TTLL4: variants seen among roughly 807,000 people sequenced by gnomAD.
TTLL4 encodes the protein tubulin monoglutamylase TTLL4.
In TTLL4, 85 loss-of-function variants were observed where a neutral mutation model predicts 122.7. The ratio of observed to expected loss-of-function variants is 0.69; its 90% CI spans 0.58 to 0.83. TTLL4 has a LOEUF of 0.83. TTLL4 is among the 40% of genes least tolerant of loss of function. TTLL4 has a pLI of 0.00. For synonymous variants in TTLL4, 553 were observed against 563.0 expected, an observed-to-expected ratio of 0.98 and a Z score of 0.25; for missense variants, 1,363 against 1,488.6, an observed-to-expected ratio of 0.92 and a Z score of 1.39.
intron 1 of TTLL4, among the ~76,000 whole-genome samples, chr2:218,714,983 C>T (rs1354815700): frequency 2.6e-5 from 4 of 152,058 alleles, no homozygotes; most frequent in South Asian, 2.1e-4. Context: ...AACATTTTTA[C>T]GTATGTTACA....
Position 218,745,787 on chromosome 2 carries a change from T to A in TTLL4, c.1883T>A (p.Phe628Tyr). The stretch of plus-strand genomic sequence containing the variant: ...AAGCAGACCATTGGACGGTCCCACT[T>A]CAAAATCAGCAAAAGTGAGTTGCTT... ...IVKQTIGRSH[F>Y]KISKRNDDWL... Residue 628 changes from phenylalanine (F) to tyrosine (Y), a missense_variant, in exon 7 of 20, where the codon TTC becomes TAC. Physicochemically the swap from Phe to Tyr is conservative, Grantham distance 22. Around this residue, in one of 3 missense-constraint regions of TTLL4, gnomAD observed 760 missense variants for 808.4 expected, o/e 0.94. Coordinates refer to ENST00000392102, the MANE Select transcript of TTLL4 (RefSeq NM_014640.5). 6.2e-7 allele frequency: 1 copy of A among 1,613,250 alleles called. No homozygotes were observed. The highest frequency in any genetic ancestry group is 8.5e-7 in the Non-Finnish European group (1 of 1,179,654).
In TTLL4 at chr2:218,747,808, C is replaced by A; in HGVS notation, c.2378+83C>A. 6.4e-7 allele frequency: 1 copy of A among 1,563,096 alleles called. No individual in the cohort carries two copies. Among genetic ancestry groups the A allele is most frequent in the Non-Finnish European group, 8.7e-7 (1 of 1,149,604 alleles). ...GGGAGGGAAACTAGAAGACACCAAA[C>A]AGAAAAATAGTTTTTGTTAGCAAGG... On this transcript the variant is annotated intron_variant, in intron 11 of 19. Coordinates refer to ENST00000392102, the MANE Select transcript of TTLL4 (RefSeq NM_014640.5). This position sits in a 1 kb window ranked among gnomAD's most constrained non-coding sequence, Gnocchi z 4.7.
chr2:218,737,856 G>T lies in TTLL4; in HGVS notation c.180G>T (p.Val60=). The change falls in exon 3 of 20, where the codon GTG becomes GTT. Residue 60 remains valine, a synonymous_variant. Coordinates refer to ENST00000392102, the MANE Select transcript of TTLL4 (RefSeq NM_014640.5). ...TCTGGAAGCTGGAAAAGAAGCAAGT[G>T]GAGACACTGTCAGCAGGGTTGGGCC... is the stretch of plus-strand genomic sequence containing the variant. The part of the protein sequence containing the change: ...KPIWKLEKKQ[V]ETLSAGLGPG... 1 of 1,614,254 alleles carries T rather than the reference G, an allele frequency of 6.2e-7. No individual in the cohort carries two copies. Among genetic ancestry groups the T allele is most frequent in the Non-Finnish European group, 8.5e-7 (1 of 1,180,050 alleles).
At chr2:218,746,105 T>G (rs1395632165) in intron 7 of TTLL4, 50 bp from the exon 8 acceptor site, 1 of 1,608,798 alleles carries the variant, frequency 6.2e-7, no homozygotes, top group Admixed American at 1.7e-5. Flanking sequence ...CCTCTCTCTG[T>G]CCCTGGACTG....
At chr2:218,750,212 GGAAT>G in intron 15 of TTLL4, 66 bp downstream of exon 15, 1 of 1,574,934 alleles carries the variant, frequency 6.3e-7, no homozygotes, top group Non-Finnish European at 8.6e-7. Flanking sequence ...TTTCTGGGAA[GGAAT>G]GGGTTCTGGG....
chr2:218,724,331 T>C (rs574985075), intron 1 of TTLL4, among the ~76,000 whole-genome samples: 1 of 152,338 alleles, frequency 6.6e-6, no homozygotes, highest in South Asian at 2.1e-4. Context: ...CTTCAACTTT[T>C]CTTTGAAATT....
At chr2:218,732,008 A>G (rs1267095277) in intron 2 of TTLL4, among the ~76,000 whole-genome samples, 1 of 152,206 alleles carries the variant, frequency 6.6e-6, no homozygotes, top group East Asian at 1.9e-4. Context: ...ATTGCTCCAT[A>G]AAATGTTAGA....
chr2:218,728,044 C>T (rs908969625), intron 2 of TTLL4: 3 of 149,632 alleles, frequency 2.0e-5, no homozygotes, highest in African/African-American at 7.4e-5. Flanking sequence ...TCTTTTTCAA[C>T]ACTAGATGGC....
intron 12 of TTLL4, chr2:218,748,510 C>T (rs1336024741): frequency 4.4e-6 from 2 of 457,888 alleles, no homozygotes; most frequent in Non-Finnish European, 3.8e-6. Flanking sequence ...CAAAAATTAG[C>T]TGGGTGTGGT....
At chr2:218,716,185 C>T (rs1941852083) in intron 1 of TTLL4, among the ~76,000 whole-genome samples, 1 of 152,196 alleles carries the variant, frequency 6.6e-6, no homozygotes, top group Non-Finnish European at 1.5e-5. Flanking sequence ...TTGGGAAGCT[C>T]AAATTTTATC....
At chr2:218,713,725 C>T (rs1402393247) in intron 1 of TTLL4, among the ~76,000 whole-genome samples, 6 of 152,178 alleles carry the variant, frequency 3.9e-5, no homozygotes, top group Admixed American at 1.3e-4. Context: ...TTTAAGATTA[C>T]TGTAGTGTCA....
At chr2:218,735,593 A>T (rs2059717) in intron 2 of TTLL4, among the ~76,000 whole-genome samples, 80,946 of 151,844 alleles carry the variant, frequency 0.53, 23,136 homozygotes, top group African/African-American at 0.73. Flanking sequence ...ACCTCTCTGC[A>T]AATTCCTTCC....
chr2:218,742,814 T>C (rs1942737709), intron 5 of TTLL4, among the ~76,000 whole-genome samples: 1 of 152,088 alleles, frequency 6.6e-6, no homozygotes, highest in Non-Finnish European at 1.5e-5. Context: ...GTTGTTAACA[T>C]TGTTAGAGTC....
rs1451351605 is a variant in TTLL4, at chr2:218,747,122, C to A, written c.2094C>A (p.Ile698=). The change falls in exon 9 of 20, where the codon ATC becomes ATA. Residue 698 remains isoleucine (I), a synonymous_variant. Coordinates refer to ENST00000392102, the MANE Select transcript of TTLL4 (RefSeq NM_014640.5). This position sits in a 1 kb window ranked among gnomAD's most constrained non-coding sequence, Gnocchi z 4.7. The part of the protein sequence containing the change: ...KEFSFFPQSF[I]LPQDAKLLRK... Reference sequence around the variant, plus strand: ...TCAGTTTCTTCCCCCAGTCCTTTATCCTGCCCCAGGACGCCAAGCTCCTGC... The same window carrying A: ...TCAGTTTCTTCCCCCAGTCCTTTATACTGCCCCAGGACGCCAAGCTCCTGC... The A allele has an allele frequency of 2.5e-6, 4 of 1,614,116 alleles. No individual in the cohort carries two copies. Among genetic ancestry groups the A allele is most frequent in the Non-Finnish European group, 3.4e-6 (4 of 1,180,050 alleles).
intron 2 of TTLL4, among the ~76,000 whole-genome samples, chr2:218,729,084 C>G (rs918862353): frequency 3.9e-5 from 6 of 152,094 alleles, no homozygotes; most frequent in African/African-American, 1.4e-4. Flanking sequence ...GGATGCCCAC[C>G]ACCATGCCCG....
intron 2 of TTLL4, among the ~76,000 whole-genome samples, chr2:218,734,719 G>A (rs1352051941): frequency 6.6e-6 from 1 of 152,178 alleles, no homozygotes; most frequent in South Asian, 2.1e-4. Flanking sequence ...ACTTTGGTAT[G>A]TCTGTTGTGT....
intron 2 of TTLL4, among the ~76,000 whole-genome samples, chr2:218,728,879 G>T (rs188251328): frequency 1.9e-3 from 291 of 150,340 alleles, no homozygotes; most frequent in African/African-American, 7.0e-3. Context: ...CACTCTTGAT[G>T]CTTTCTGTGG....
intron 5 of TTLL4, among the ~76,000 whole-genome samples, chr2:218,742,638 C>T (rs571862764): frequency 6.6e-6 from 1 of 152,268 alleles, no homozygotes; most frequent in South Asian, 2.1e-4. Flanking sequence ...TGAGACAACT[C>T]ACAAGGGTTT....
intron 1 of TTLL4, among the ~76,000 whole-genome samples, chr2:218,713,396 C>T (rs1941770195): frequency 1.3e-5 from 2 of 152,100 alleles, no homozygotes; most frequent in Non-Finnish European, 2.9e-5. Flanking sequence ...TCCTGTCTCA[C>T]CCTCCTGAGT....
Sources: gnomAD v4.1 joint callset for allele counts (sites outside exome capture counted in the v4.1 genomes callset) on GRCh38, gnomAD v4.1.1 for gene constraint, gnomAD v4.1.1 regional missense constraint, Gnocchi (gnomAD v3.1) non-coding constraint, MANE v1.5 for transcripts, NCBI Gene and HGNC (gene_info 2026-07-23, HGNC 2026-07-21) for gene names.